SYN3: variants seen among roughly 807,000 people sequenced by gnomAD.
SYN3 encodes synapsin-3.
A neutral mutation model predicts 65.8 loss-of-function variants in SYN3; 35 were observed. That is an observed-to-expected ratio of 0.53 (90% CI 0.41 to 0.70). The LOEUF (loss-of-function observed/expected upper bound fraction) is 0.70, where lower values mean the gene tolerates loss of function less well. SYN3 is among the 30% of genes least tolerant of loss of function. The pLI is 0.00. For missense variants in SYN3, 680 were observed against 749.0 expected, an observed-to-expected ratio of 0.91 and a Z score of 1.08; for synonymous variants, 270 against 292.9, an observed-to-expected ratio of 0.92 and a Z score of 0.80.
chr22:33,043,585 C>T (rs912369363), intron 1 of SYN3, among the ~76,000 whole-genome samples: 4 of 152,118 alleles, frequency 2.6e-5, no homozygotes, highest in African/African-American at 4.8e-5. Flanking sequence ...AAAGCACAAG[C>T]CATGAAGTCA....
intron 6 of SYN3, among the ~76,000 whole-genome samples, chr22:32,795,438 G>A (rs775937101): frequency 6.6e-6 from 1 of 152,198 alleles, no homozygotes; most frequent in Non-Finnish European, 1.5e-5. Context: ...GGGTAACCCC[G>A]GAGGGGACTG....
intron 7 of SYN3, among the ~76,000 whole-genome samples, chr22:32,591,508 A>T (rs2059127644): frequency 6.6e-6 from 1 of 152,220 alleles, no homozygotes; most frequent in Non-Finnish European, 1.5e-5. Context: ...CTGCGCTAAA[A>T]GCTTACTTTA....
intron 6 of SYN3, among the ~76,000 whole-genome samples, chr22:32,605,392 G>A (rs1261480284): frequency 2.6e-5 from 4 of 152,150 alleles, no homozygotes; most frequent in Non-Finnish European, 5.9e-5. Flanking sequence ...TTTGGATGCA[G>A]TGGGGTAGAC....
chr22:32,729,522 C>T (rs992301756), intron 6 of SYN3, among the ~76,000 whole-genome samples: 15 of 152,192 alleles, frequency 9.9e-5, no homozygotes, highest in African/African-American at 3.1e-4. Flanking sequence ...ACTGAAGTCC[C>T]GCTACCACGC....
intron 6 of SYN3, among the ~76,000 whole-genome samples, chr22:32,643,697 G>T (rs1007286706): frequency 2.0e-5 from 3 of 151,986 alleles, no homozygotes; most frequent in African/African-American, 7.2e-5. Context: ...TGATTGGTAT[G>T]AATTTGACCT....
At chr22:32,661,038 C>G (rs1220245651) in intron 6 of SYN3, among the ~76,000 whole-genome samples, 6 of 152,196 alleles carry the variant, frequency 3.9e-5, no homozygotes, top group Admixed American at 1.3e-4. Context: ...TCCACATCAG[C>G]CAGGATGTCA....
intron 3 of SYN3, among the ~76,000 whole-genome samples, chr22:32,959,208 G>A (rs184019077): frequency 6.6e-6 from 1 of 152,090 alleles, no homozygotes; most frequent in Admixed American, 6.6e-5. Context: ...TTTATCAGGG[G>A]TTTCCGCTTT....
At chr22:32,588,577 G>A (rs1299221490) in intron 7 of SYN3, among the ~76,000 whole-genome samples, 1 of 152,156 alleles carries the variant, frequency 6.6e-6, no homozygotes, top group Non-Finnish European at 1.5e-5. Context: ...ACCTTCCTAA[G>A]CCTGGATTAA....
intron 7 of SYN3, among the ~76,000 whole-genome samples, chr22:32,551,337 C>A (rs188549526): frequency 6.6e-6 from 1 of 152,160 alleles, no homozygotes; most frequent in African/African-American, 2.4e-5. Flanking sequence ...CCCCTACCCC[C>A]ACCCTGCACC....
At chr22:32,645,853 G>C (rs1329499517) in intron 6 of SYN3, among the ~76,000 whole-genome samples, 1 of 151,924 alleles carries the variant, frequency 6.6e-6, no homozygotes, top group African/African-American at 2.4e-5. Context: ...TTCCCTGTCT[G>C]GGGGAAAGGG....
chr22:32,928,157 C>G (rs532268902), intron 4 of SYN3, among the ~76,000 whole-genome samples: 4 of 151,978 alleles, frequency 2.6e-5, no homozygotes, highest in African/African-American at 9.7e-5. Flanking sequence ...GGTGAAACCC[C>G]GTCTGTACTA....
intron 6 of SYN3, among the ~76,000 whole-genome samples, chr22:32,825,182 G>A (rs1303701445): frequency 2.0e-5 from 3 of 152,160 alleles, no homozygotes; most frequent in East Asian, 1.9e-4. Flanking sequence ...CGTGGGAACT[G>A]AGAAACTGTG....
intron 6 of SYN3, among the ~76,000 whole-genome samples, chr22:32,639,716 A>T (rs932956298): frequency 3.3e-5 from 5 of 152,012 alleles, no homozygotes; most frequent in Non-Finnish European, 7.4e-5. Flanking sequence ...CTAACTTTTA[A>T]ATATTTGTTT....
At chr22:32,593,809 C>T (rs1440150726) in intron 7 of SYN3, among the ~76,000 whole-genome samples, 1 of 152,010 alleles carries the variant, frequency 6.6e-6, no homozygotes, top group Admixed American at 6.5e-5. Flanking sequence ...AGGTAGCTGA[C>T]AAGAGCACTC....
chr22:32,565,312 G>A (rs1688876906), intron 7 of SYN3, among the ~76,000 whole-genome samples: 2 of 152,260 alleles, frequency 1.3e-5, no homozygotes, highest in South Asian at 2.1e-4. Flanking sequence ...CTAAAGCATT[G>A]TTGTCTCTGG....
intron 4 of SYN3, among the ~76,000 whole-genome samples, chr22:32,923,520 A>G (rs2050388774): frequency 6.6e-6 from 1 of 152,214 alleles, no homozygotes. Flanking sequence ...CTTGGTCACA[A>G]TGCATACTGG....
rs1047894860 is a variant in SYN3 at position 33,009,741 on chromosome 22, T to G, written c.-162-2917A>C. 2.1e-5 allele frequency among the ~76,000 whole-genome samples: 3 copies of G among 140,416 alleles called. No individual in the cohort carries two copies. In the South Asian group the frequency reaches 7.2e-4, roughly 34 times the overall value. The allele number at this position is 140,416 out of a possible 152,430, so 92.1% of individuals were successfully genotyped here. On this transcript the variant is annotated intron_variant, in intron 1 of 13. Coordinates refer to ENST00000358763, the MANE Select transcript of SYN3 (RefSeq NM_003490.4). ...AATACTTTACATATCCTTTCATATA[T>G]ACGTATCTAAACACACACACACACA...
chr22:32,513,639 C>T lies in SYN3; in HGVS notation c.*53G>A. On this transcript the variant is annotated 3_prime_UTR_variant, in exon 14 of 14. Transcript: ENST00000358763. ...ACCAAGGCTGAGAAGGAAGATGAGG[C>T]AGGAGGGGGACGAGTGTAGCAGAGC... 6.3e-7 allele frequency: 1 copy of T among 1,595,838 alleles called. No individual in the cohort carries two copies.
chr22:32,862,904 A>G (rs1458474229), intron 6 of SYN3: 1 of 152,614 alleles, frequency 6.6e-6, no homozygotes, highest in Non-Finnish European at 1.5e-5. Flanking sequence ...ATTTCGTAGC[A>G]CTGTTTACAG....
Sources: gnomAD v4.1 joint callset for allele counts (sites outside exome capture counted in the v4.1 genomes callset) on GRCh38, gnomAD v4.1.1 for gene constraint, MANE v1.5 for transcripts, NCBI Gene and HGNC (gene_info 2026-07-23, HGNC 2026-07-21) for gene names.